LHFPL6: variants seen among roughly 807,000 people sequenced by gnomAD.
LHFPL6 encodes the protein LHFPL tetraspan subfamily member 6.
A neutral mutation model predicts 20.6 loss-of-function variants in LHFPL6; 9 were observed. The observed-to-expected ratio is 0.44, with a 90% CI of 0.26 to 0.76. The LOEUF (loss-of-function observed/expected upper bound fraction) is 0.76, where lower values mean the gene tolerates loss of function less well. LHFPL6 is among the 30% of genes least tolerant of loss of function. LHFPL6 has a pLI of 0.20. For synonymous variants in LHFPL6, 105 were observed against 98.7 expected (o/e 1.06, Z -0.38); for missense variants, 218 against 253.5 (o/e 0.86, Z 0.95).
chr13:39,350,855 T>C lies in LHFPL6; in HGVS notation c.485-6801A>G, dbSNP rs748177034. ...TTCCAGGGCAGCCCCAGAGTAGAGA[T>C]AGGGGTGGGGAGGGATGTTGCTGAT... On this transcript the variant is annotated intron_variant, in intron 3 of 3. Coordinates refer to ENST00000379589, the MANE Select transcript of LHFPL6 (RefSeq NM_005780.3). Among the ~76,000 whole-genome samples, 6 of 152,154 alleles carry C rather than the reference T, an allele frequency of 3.9e-5. No individual in the cohort carries two copies. In the East Asian group the frequency reaches 1.2e-3, roughly 29 times the overall value.
At chr13:39,569,140 T>TGGACGGAC (rs199718158) in intron 2 of LHFPL6, among the ~76,000 whole-genome samples, 4 of 51,898 alleles carry the variant, frequency 7.7e-5, no homozygotes, top group South Asian at 1.1e-3. Context: ...GATGGATGGA[T>TGGACGGAC]GGATGGATGG....
At chr13:39,552,176 A>C (rs959307880) in intron 2 of LHFPL6, among the ~76,000 whole-genome samples, 1 of 152,210 alleles carries the variant, frequency 6.6e-6, no homozygotes, top group African/African-American at 2.4e-5. Flanking sequence ...CAAGGTTCAA[A>C]ATAAATTGCA....
chr13:39,365,390 A>G (rs1047248529), intron 3 of LHFPL6, among the ~76,000 whole-genome samples: 1 of 152,160 alleles, frequency 6.6e-6, no homozygotes, highest in Non-Finnish European at 1.5e-5. Context: ...GAACTGCAGC[A>G]AGCACTGCTT....
At chr13:39,501,100 C>T (rs1355192550) in intron 2 of LHFPL6, among the ~76,000 whole-genome samples, 3 of 152,108 alleles carry the variant, frequency 2.0e-5, no homozygotes, top group Non-Finnish European at 4.4e-5. Context: ...AAAGTGTGGG[C>T]ACCTTTGAGG....
At chr13:39,396,934 G>C (rs1247099075) in intron 2 of LHFPL6, among the ~76,000 whole-genome samples, 1 of 152,070 alleles carries the variant, frequency 6.6e-6, no homozygotes, top group Non-Finnish European at 1.5e-5. Flanking sequence ...AAGAGGCAAG[G>C]AGAAACTTCT....
intron 2 of LHFPL6, among the ~76,000 whole-genome samples, chr13:39,421,862 C>T (rs1019678324): frequency 5.3e-5 from 8 of 152,162 alleles, no homozygotes; most frequent in Non-Finnish European, 4.4e-5. Context: ...TGTTCCTTTA[C>T]CTGGAGAAAT....
intron 3 of LHFPL6, among the ~76,000 whole-genome samples, chr13:39,345,537 A>AAG (rs1869376565): frequency 2.7e-5 from 4 of 146,502 alleles, no homozygotes; most frequent in African/African-American, 5.1e-5. Flanking sequence ...AAAAAAAAAA[A>AAG]AAAGAAAGAA....
chr13:39,591,521 A>G (rs778639228), intron 2 of LHFPL6, among the ~76,000 whole-genome samples: 11 of 152,194 alleles, frequency 7.2e-5, no homozygotes, highest in Non-Finnish European at 1.2e-4. Context: ...CCCCAAAATG[A>G]CCACTGCAGA....
chr13:39,431,973 C>T (rs975223009), intron 2 of LHFPL6, among the ~76,000 whole-genome samples: 6 of 151,906 alleles, frequency 3.9e-5, no homozygotes, highest in Admixed American at 2.0e-4. Flanking sequence ...GGTATTAAGA[C>T]GTGGGGCCTT....
chr13:39,597,264 G>T (rs1171974369), intron 2 of LHFPL6, among the ~76,000 whole-genome samples: 2 of 152,180 alleles, frequency 1.3e-5, no homozygotes, highest in Non-Finnish European at 2.9e-5. Flanking sequence ...AAGATGAAAT[G>T]TACACATTCA....
chr13:39,489,495 T>G (rs1868840470), intron 2 of LHFPL6, among the ~76,000 whole-genome samples: 1 of 151,882 alleles, frequency 6.6e-6, no homozygotes, highest in Non-Finnish European at 1.5e-5. Flanking sequence ...TCCATGGCTT[T>G]TCATACACAT....
At chr13:39,494,260 C>T (rs897933098) in intron 2 of LHFPL6, among the ~76,000 whole-genome samples, 8 of 152,236 alleles carry the variant, frequency 5.3e-5, no homozygotes, top group Non-Finnish European at 7.3e-5. Context: ...TATTGCTAGT[C>T]GCAGCTCTTA....
intron 2 of LHFPL6, among the ~76,000 whole-genome samples, chr13:39,581,701 G>C (rs1000227524): frequency 8.1e-5 from 12 of 148,852 alleles, no homozygotes; most frequent in African/African-American, 2.7e-4. Context: ...GATTTTTATT[G>C]CAATCTATTC....
At chr13:39,496,183 T>C (rs1189536226) in intron 2 of LHFPL6, among the ~76,000 whole-genome samples, 1 of 152,166 alleles carries the variant, frequency 6.6e-6, no homozygotes, top group African/African-American at 2.4e-5. Context: ...CAGAAATTTA[T>C]TTAGCACAAT....
chr13:39,550,419 C>T (rs1262979947), intron 2 of LHFPL6, among the ~76,000 whole-genome samples: 1 of 152,058 alleles, frequency 6.6e-6, no homozygotes, highest in African/African-American at 2.4e-5. Flanking sequence ...CCTCAATGAA[C>T]TTGACTTTTA....
At chr13:39,429,861 G>A (rs1871740671) in intron 2 of LHFPL6, among the ~76,000 whole-genome samples, 1 of 152,066 alleles carries the variant, frequency 6.6e-6, no homozygotes, top group Admixed American at 6.5e-5. Flanking sequence ...CATTAAACTT[G>A]ACCTCTCTGC....
At chr13:39,583,986 A>T (rs1361251296) in intron 2 of LHFPL6, among the ~76,000 whole-genome samples, 1 of 150,516 alleles carries the variant, frequency 6.6e-6, no homozygotes, top group Non-Finnish European at 1.5e-5. Flanking sequence ...TCAGGCCTCG[A>T]CTCCAGCCTG....
intron 2 of LHFPL6, among the ~76,000 whole-genome samples, chr13:39,572,386 A>G (rs1183013760): frequency 2.0e-5 from 3 of 152,006 alleles, no homozygotes; most frequent in African/African-American, 7.3e-5. Flanking sequence ...ATACACGTAC[A>G]CAAATGCAGG....
At chr13:39,524,730 G>A (rs996355217) in intron 2 of LHFPL6, among the ~76,000 whole-genome samples, 1 of 152,158 alleles carries the variant, frequency 6.6e-6, no homozygotes, top group African/African-American at 2.4e-5. Context: ...GGGAACATGA[G>A]ACAAATAGGC....
Sources: allele counts gnomAD v4.1 joint callset (sites outside exome capture counted in the v4.1 genomes callset), GRCh38; gene constraint gnomAD v4.1.1; transcripts MANE v1.5; gene names NCBI Gene and HGNC (gene_info 2026-07-23, HGNC 2026-07-21).